The following TENM1 variants were observed in gnomAD, a reference collection of about 807,000 sequenced individuals.
TENM1 encodes the protein teneurin transmembrane protein 1.
In TENM1, 35 loss-of-function variants were observed where a neutral mutation model predicts 174.8. The ratio of observed to expected loss-of-function variants is 0.20; its 90% confidence interval spans 0.15 to 0.27. TENM1 has a LOEUF of 0.27. TENM1 is among the 10% of genes least tolerant of loss of function. The pLI, the probability that TENM1 is intolerant of heterozygous loss-of-function variation, is 1.00. For missense variants in TENM1, 1,633 were observed against 2,130.1 expected (o/e 0.77, Z 4.59); for synonymous variants, 781 against 798.7 (o/e 0.98, Z 0.37).
At chrX:125,035,007 C>A in the TENM1 span, among the ~76,000 whole-genome samples, 1 of 111,855 alleles carries the variant, frequency 8.9e-6, no homozygotes, top group Non-Finnish European at 1.9e-5. Flanking sequence ...TAAATATTTT[C>A]ATTCACTATA....
At chrX:124,581,374 CT>C (rs1448963757) in intron 11 of TENM1, among the ~76,000 whole-genome samples, 1 of 111,104 alleles carries the variant, frequency 9.0e-6, no homozygotes, top group African/African-American at 3.3e-5. Context: ...CTATTTAGTT[CT>C]TTTTTTATGG....
At chrX:124,988,975 A>C in the TENM1 span, among the ~76,000 whole-genome samples, 5 of 111,941 alleles carry the variant, frequency 4.5e-5, no homozygotes, top group Non-Finnish European at 9.4e-5. Context: ...AAAGACTAAA[A>C]ATTTTTTCCC....
chrX:124,429,953 A>G (rs2060759598), intron 23 of TENM1, among the ~76,000 whole-genome samples: 1 of 111,994 alleles, frequency 8.9e-6, no homozygotes, highest in Non-Finnish European at 1.9e-5. Flanking sequence ...GTATATGCTG[A>G]TAGCTTTAGA....
chrX:124,489,990 C>T (rs1346509137), intron 20 of TENM1, among the ~76,000 whole-genome samples: 1 of 111,566 alleles, frequency 9.0e-6, no homozygotes, highest in African/African-American at 3.3e-5. Context: ...GGCTCTGTTC[C>T]TTGCCCTTAT....
intron 2 of TENM1, among the ~76,000 whole-genome samples, chrX:124,894,715 C>A (rs2057533437): frequency 1.8e-5 from 2 of 110,931 alleles, no homozygotes; most frequent in African/African-American, 6.6e-5. Context: ...AGATGTCTTG[C>A]CAATATAAGA....
intron 3 of TENM1, among the ~76,000 whole-genome samples, chrX:124,827,535 C>G (rs1027423645): frequency 1.2e-4 from 13 of 111,607 alleles, no homozygotes; most frequent in Non-Finnish European, 2.3e-4. Flanking sequence ...CTGAGGAAAT[C>G]CTGTGTGAAA....
intron 8 of TENM1, among the ~76,000 whole-genome samples, chrX:124,647,755 T>TTG (rs943758338): frequency 4.1e-5 from 4 of 98,505 alleles, no homozygotes; most frequent in Non-Finnish European, 8.0e-5. Flanking sequence ...GTGTGTGTGT[T>TTG]TGTGTGTGTG....
intron 1 of TENM1, among the ~76,000 whole-genome samples, chrX:124,956,948 T>C (rs2058582584): frequency 8.9e-6 from 1 of 112,276 alleles, no homozygotes; most frequent in Non-Finnish European, 1.9e-5. Flanking sequence ...ATGCCTGATA[T>C]AAGAATAGAG....
At chrX:125,012,638 TTAGA>T in the TENM1 span, among the ~76,000 whole-genome samples, 13 of 111,823 alleles carry the variant, frequency 1.2e-4, no homozygotes, top group Non-Finnish European at 1.7e-4. Context: ...TGGAAATGAC[TTAGA>T]TATTCATAGG....
chrX:124,840,788 G>A (rs780546919), intron 3 of TENM1, among the ~76,000 whole-genome samples: 1 of 111,686 alleles, frequency 9.0e-6, no homozygotes. Context: ...TGAAGCTCTA[G>A]GTGCTCATTA....
the TENM1 span, among the ~76,000 whole-genome samples, chrX:125,000,862 A>G: frequency 2.7e-5 from 3 of 111,317 alleles, no homozygotes; most frequent in Non-Finnish European, 3.8e-5. Flanking sequence ...GAGGCTTCCA[A>G]TTCCAACCAG....
the TENM1 span, among the ~76,000 whole-genome samples, chrX:125,129,542 G>C: frequency 1.8e-5 from 2 of 110,608 alleles, no homozygotes; most frequent in Admixed American, 1.9e-4. Context: ...GGAAATACTA[G>C]GTCTTATTCA....
intron 11 of TENM1, among the ~76,000 whole-genome samples, chrX:124,582,992 C>A (rs745618850): frequency 0.011 from 1,267 of 112,622 alleles, 19 homozygotes; most frequent in African/African-American, 0.038. Flanking sequence ...GGGGCACCCG[C>A]CATTGCCCAG....
chrX:124,860,096 G>A (rs776358914), intron 3 of TENM1, among the ~76,000 whole-genome samples: 4 of 111,936 alleles, frequency 3.6e-5, no homozygotes, highest in African/African-American at 9.7e-5. Context: ...TATGAAAATC[G>A]TGAAATTTAG....
At chrX:124,521,631 T>C (rs1236316896) in intron 17 of TENM1, among the ~76,000 whole-genome samples, 1 of 112,513 alleles carries the variant, frequency 8.9e-6, no homozygotes, top group Non-Finnish European at 1.9e-5. Context: ...AATTGAATCA[T>C]GTGTTCTTTG....
At chrX:124,502,259 T>TTAGGGG (rs60343812) in intron 19 of TENM1, among the ~76,000 whole-genome samples, 10,936 of 112,162 alleles carry the variant, frequency 0.098, 514 homozygotes, top group African/African-American at 0.19. Context: ...TACTGGTGAA[T>TTAGGGG]TGGAGATAAC....
intron 1 of TENM1, among the ~76,000 whole-genome samples, chrX:124,910,847 G>A (rs1472578840): frequency 9.0e-6 from 1 of 110,913 alleles, no homozygotes; most frequent in East Asian, 2.8e-4. Context: ...GTATGTTAGC[G>A]AATCTGAAAA....
chrX:124,752,799 T>G lies in TENM1; in HGVS notation c.536-15602A>C, dbSNP rs1334212589. Among the ~76,000 whole-genome samples the G allele has an allele frequency of 6.3e-5, 7 of 110,363 alleles. No individual in the cohort carries two copies. In the East Asian group the frequency reaches 1.4e-3, roughly 22 times the overall value. ...CTCAGGTTTGTCAAAGATCAGATAG[T>G]TGTAGATATGCAGCATTATTTCTGA... On this transcript the variant is annotated intron_variant, in intron 3 of 31. Coordinates refer to ENST00000422452, the Ensembl canonical transcript of TENM1.
intron 11 of TENM1, among the ~76,000 whole-genome samples, chrX:124,584,800 G>T (rs768896786): frequency 1.8e-5 from 2 of 111,294 alleles, no homozygotes; most frequent in Non-Finnish European, 1.9e-5. Flanking sequence ...CATCTCATGT[G>T]CAGAGACACA....
Sources: gnomAD v4.1 joint callset for allele counts (sites outside exome capture counted in the v4.1 genomes callset) on GRCh38, gnomAD v4.1.1 for gene constraint, MANE v1.5 for transcripts, NCBI Gene and HGNC (gene_info 2026-07-23, HGNC 2026-07-21) for gene names.